Variants in EYS observed in about 807,000 individuals in gnomAD.
EYS encodes the protein EGF-like photoreceptor maintenance factor.
EYS carries 250 observed loss-of-function variants against 282.1 expected under a neutral mutation model. The ratio of observed to expected loss-of-function variants is 0.89; its 90% CI spans 0.80 to 0.98. EYS has a LOEUF of 0.98. Among genes scored for constraint, EYS ranks in the 50% least tolerant of loss-of-function variants. EYS has a pLI of 0.00. For missense variants in EYS, 4,016 were observed against 3,709.0 expected (o/e 1.08, Z -2.15); for synonymous variants, 1,355 against 1,282.9 (o/e 1.06, Z -1.20).
chr6:64,170,547 C>G (rs533726203), intron 31 of EYS, among the ~76,000 whole-genome samples: 5 of 151,632 alleles, frequency 3.3e-5, no homozygotes, highest in African/African-American at 9.7e-5. Context: ...TTGGCTGCAT[C>G]GCTGCCTTGT....
intron 27 of EYS, among the ~76,000 whole-genome samples, chr6:64,437,360 T>C (rs575644988): frequency 6.6e-6 from 1 of 151,742 alleles, no homozygotes; most frequent in Non-Finnish European, 1.5e-5. Flanking sequence ...AATAGAGGTA[T>C]AGAATTTCTT....
intron 14 of EYS, among the ~76,000 whole-genome samples, chr6:64,947,633 T>G (rs1769332445): frequency 6.6e-6 from 1 of 151,210 alleles, no homozygotes; most frequent in Admixed American, 6.6e-5. Flanking sequence ...TTTTCATTGG[T>G]TGCGTTTGGC....
At chr6:65,627,684 C>T (rs1198636833) in intron 2 of EYS, among the ~76,000 whole-genome samples, 2 of 152,176 alleles carry the variant, frequency 1.3e-5, no homozygotes, top group African/African-American at 4.8e-5. Flanking sequence ...ACTTAGCACC[C>T]GGGCCAGTGG....
chr6:65,213,065 T>G (rs1766214177), intron 12 of EYS, among the ~76,000 whole-genome samples: 1 of 152,260 alleles, frequency 6.6e-6, no homozygotes, highest in African/African-American at 2.4e-5. Flanking sequence ...GAATTATTTA[T>G]AGTGAGGCAT....
intron 26 of EYS, among the ~76,000 whole-genome samples, chr6:64,481,274 GTATATA>G (rs61390164): frequency 0.3 from 42,840 of 140,482 alleles, 6,363 homozygotes; most frequent in East Asian, 0.47. Flanking sequence ...GTGTGTGTGT[GTATATA>G]TATATATATA....
chr6:64,443,419 C>T (rs1775015384), intron 26 of EYS, among the ~76,000 whole-genome samples: 1 of 152,078 alleles, frequency 6.6e-6, no homozygotes, highest in Non-Finnish European at 1.5e-5. Context: ...AGTTAATGCT[C>T]AAATGAGTTG....
At chr6:64,260,723 A>G (rs1217276870) in intron 30 of EYS, among the ~76,000 whole-genome samples, 1 of 152,020 alleles carries the variant, frequency 6.6e-6, no homozygotes, top group Non-Finnish European at 1.5e-5. Context: ...CTTTTATTCT[A>G]TAGTTTAATG....
At chr6:64,062,709 AAGAAG>A (rs1247184434) in intron 33 of EYS, among the ~76,000 whole-genome samples, 4 of 151,248 alleles carry the variant, frequency 2.6e-5, no homozygotes, top group African/African-American at 9.7e-5. Flanking sequence ...AAAAAAAAAA[AAGAAG>A]AAGAAACTTA....
chr6:64,922,476 T>G (rs2150082424), intron 15 of EYS, among the ~76,000 whole-genome samples: 1 of 152,308 alleles, frequency 6.6e-6, no homozygotes, highest in African/African-American at 2.4e-5. Flanking sequence ...ACCAAGCATA[T>G]TAAAATTACA....
chr6:64,997,201 T>C (rs899908874), intron 14 of EYS, among the ~76,000 whole-genome samples: 1 of 152,058 alleles, frequency 6.6e-6, no homozygotes, highest in Non-Finnish European at 1.5e-5. Flanking sequence ...TGTAAGATAA[T>C]GATAATGAAA....
intron 15 of EYS, among the ~76,000 whole-genome samples, chr6:64,931,732 C>T (rs1768729899): frequency 1.3e-5 from 2 of 151,942 alleles, no homozygotes; most frequent in Admixed American, 1.3e-4. Context: ...TATTTATCAC[C>T]ATAACCCTGA....
intron 31 of EYS, among the ~76,000 whole-genome samples, chr6:64,169,189 T>C (rs1330116055): frequency 6.6e-6 from 1 of 152,160 alleles, no homozygotes; most frequent in East Asian, 1.9e-4. Context: ...TCAGTAAATA[T>C]TGATAAATGA....
intron 41 of EYS, among the ~76,000 whole-genome samples, chr6:63,752,412 T>G (rs563291616): frequency 6.6e-6 from 1 of 152,154 alleles, no homozygotes; most frequent in South Asian, 2.1e-4. Flanking sequence ...TTATTGTGTG[T>G]CAGTATAAGA....
chr6:64,543,767 C>T (rs985030161), intron 26 of EYS, among the ~76,000 whole-genome samples: 24 of 152,090 alleles, frequency 1.6e-4, no homozygotes, highest in African/African-American at 4.3e-4. Context: ...TTATCAGTTT[C>T]CTATCCTGTG....
rs1424898477 is a variant in EYS, at chr6:63,779,100, A to C, written c.7724-920T>G. On this transcript the variant is annotated intron_variant, in intron 39 of 42. Transcript: ENST00000503581. ...TTTTTTTTTTTAGGTAAAGAAGTTTATGTTTATGTTGTCACATTTTTCTCT... is the reference window on the plus strand; with the variant it reads ...TTTTTTTTTTTAGGTAAAGAAGTTTCTGTTTATGTTGTCACATTTTTCTCT... 3 of 148,522 alleles carry C rather than the reference A, an allele frequency of 2.0e-5. No homozygotes were observed. The East Asian group carries it at 6.0e-4, about 30-fold the overall frequency. The allele number at this position is 148,522 out of a possible 1,614,324, so 9.2% of individuals were successfully genotyped here.
At chr6:64,636,692 TG>T (rs1460228831) in intron 22 of EYS, among the ~76,000 whole-genome samples, 1 of 152,184 alleles carries the variant, frequency 6.6e-6, no homozygotes, top group Non-Finnish European at 1.5e-5. Flanking sequence ...CCTACTCATC[TG>T]ACAAAGGGCT....
chr6:65,313,518 G>A (rs1035624067), intron 11 of EYS, among the ~76,000 whole-genome samples: 3 of 149,598 alleles, frequency 2.0e-5, no homozygotes, highest in South Asian at 2.2e-4. Context: ...TCCGTATCTC[G>A]ATAAATGACA....
chr6:64,483,499 A>G (rs1776495462), intron 26 of EYS, among the ~76,000 whole-genome samples: 1 of 151,732 alleles, frequency 6.6e-6, no homozygotes. Flanking sequence ...ACTAGGGAAG[A>G]GGAAATTATT....
intron 26 of EYS, among the ~76,000 whole-genome samples, chr6:64,472,518 A>G (rs1165314518): frequency 6.6e-6 from 1 of 152,214 alleles, no homozygotes; most frequent in South Asian, 2.1e-4. Flanking sequence ...CCTTCAGAAT[A>G]TCAAACTCAG....
Sources: allele counts gnomAD v4.1 joint callset (sites outside exome capture counted in the v4.1 genomes callset), GRCh38; gene constraint gnomAD v4.1.1; transcripts MANE v1.5; gene names NCBI Gene and HGNC (gene_info 2026-07-23, HGNC 2026-07-21).